SMPD2: variants seen among roughly 807,000 people sequenced by gnomAD.
The protein encoded by SMPD2 is N-SMase.
In SMPD2, 35 loss-of-function variants were observed where a neutral mutation model predicts 41.7. The ratio of observed to expected loss-of-function variants is 0.84; its 90% CI spans 0.64 to 1.11. The LOEUF is 1.11. Among genes scored for constraint, SMPD2 ranks in the 50% most tolerant of loss-of-function variants. SMPD2 has a pLI of 0.00. For synonymous variants in SMPD2, 201 were observed against 208.2 expected (o/e 0.97, Z 0.30); for missense variants, 520 against 524.8 (o/e 0.99, Z 0.09).
At position 109,443,287 on chromosome 6, in the gene SMPD2, C is replaced by T. The variant is rs368724627; in HGVS notation, c.750C>T (p.Ile250=). The change falls in exon 9 of 10, where the codon ATC becomes ATT. Residue 250 remains isoleucine (I), a synonymous_variant. Transcript: ENST00000258052. Reference sequence around the variant, plus strand: ...CCTAGGCAGTTTCTGGGTTTTACATCTCCTGTAAGAGTTTTGAAACCACTA... The same window carrying T: ...CCTAGGCAGTTTCTGGGTTTTACATTTCCTGTAAGAGTTTTGAAACCACTA... ...VLYKAVSGFY[I]SCKSFETTTG... 1 of 1,614,142 alleles carries T rather than the reference C, an allele frequency of 6.2e-7. No individual in the cohort carries two copies. The highest frequency in any genetic ancestry group is 8.5e-7 in the Non-Finnish European group (1 of 1,179,994).
rs774581135 is a variant in SMPD2, at chr6:109,442,314, C to T, written c.408+15C>T. 4 of 1,610,168 alleles carry T rather than the reference C, an allele frequency of 2.5e-6. No individual in the cohort carries two copies. The Admixed American group carries it at 6.7e-5, about 27-fold the overall frequency. ...ATGTGACCCATGTGAGTGAAGCTGG[C>T]AGTGCCTAGGGCTGGGACATGCAGC... On this transcript the variant is annotated intron_variant, in intron 5 of 9. Coordinates refer to ENST00000258052, the MANE Select transcript of SMPD2 (RefSeq NM_003080.3).
Position 109,443,012 on chromosome 6 carries a change from C to T in SMPD2, c.660C>T (p.Asn220=). Residue 220 remains asparagine, a synonymous_variant, in exon 8 of 10, where the codon AAC becomes AAT. Coordinates refer to ENST00000258052, the MANE Select transcript of SMPD2 (RefSeq NM_003080.3). ...SEEGNTMVPK[N]CYVSQQELKP... is the part of the protein sequence containing the mutation. ...AAGGCAACACAATGGTACCCAAGAA[C>T]TGCTACGTCAGCCAGCAGGAGCTGA... 1 of 1,614,232 alleles carries T rather than the reference C, an allele frequency of 6.2e-7. No individual in the cohort carries two copies. The highest frequency in any genetic ancestry group is 8.5e-7 in the Non-Finnish European group (1 of 1,180,038).
In SMPD2 at chr6:109,443,359, C is replaced by A. The variant is rs1407134769; in HGVS notation, c.822C>A (p.Ala274=). The change falls in exon 9 of 10, where the codon GCC becomes GCA. Residue 274 remains alanine (A), a synonymous_variant. Coordinates refer to ENST00000258052, the MANE Select transcript of SMPD2 (RefSeq NM_003080.3). The part of the protein sequence containing the change: ...HRGTPLSDHE[A]LMATLFVRHS... ...GCACCCCCCTCTCTGATCATGAAGC[C>A]CTGATGGCTACTCTGTTTGTGAGGC... 6.2e-7 allele frequency: 1 copy of A among 1,614,084 alleles called. No individual in the cohort carries two copies. Among genetic ancestry groups the A allele is most frequent in the Admixed American group, 1.7e-5 (1 of 60,030 alleles).
In SMPD2 at chr6:109,440,731, T is replaced by C; in HGVS notation, c.-391T>C. The C allele has an allele frequency of 1.9e-6, 1 of 514,258 alleles. No homozygotes were observed. Among genetic ancestry groups the C allele is most frequent in the Admixed American group, 5.3e-5 (1 of 18,938 alleles). The allele number at this position is 514,258 out of a possible 1,614,324, so 31.9% of individuals were successfully genotyped here. On this transcript the variant is annotated 5_prime_UTR_variant, in exon 1 of 10. Transcript: ENST00000258052. ...CGTGGCGGCTGGGCCTTTCCTCAACTTTGCGCCTGTTGCTGGGCCGCCGGC... is the reference window on the plus strand; with the variant it reads ...CGTGGCGGCTGGGCCTTTCCTCAACCTTGCGCCTGTTGCTGGGCCGCCGGC...
Position 109,441,084 on chromosome 6 carries a change from G to C in SMPD2, c.-38G>C. 1 of 1,612,372 alleles carries C rather than the reference G, an allele frequency of 6.2e-7. No individual in the cohort carries two copies. The highest frequency in any genetic ancestry group is 2.2e-5 in the East Asian group (1 of 44,826). ...CGTCCCCACCGCGGCCGTCGCTGGAGAGTTCGAGCCGCCTAGCGCCCCTGG... is the reference window on the plus strand; with the variant it reads ...CGTCCCCACCGCGGCCGTCGCTGGACAGTTCGAGCCGCCTAGCGCCCCTGG... On this transcript the variant is annotated 5_prime_UTR_variant, in exon 1 of 10. Transcript: ENST00000258052.
rs776183356 is a variant in SMPD2 at position 109,443,607 on chromosome 6, C to T, written c.974C>T (p.Thr325Ile). Residue 325 changes from threonine (T) to isoleucine (I), a missense_variant, in exon 10 of 10, where the codon ACC (threonine) becomes ATC (isoleucine). Coordinates refer to ENST00000258052, the MANE Select transcript of SMPD2 (RefSeq NM_003080.3). ...LGMAQARWWATFASYVIGLGL... is the reference protein window; with the variant it reads ...LGMAQARWWAIFASYVIGLGL... ...ATGGCTCAGGCTCGCTGGTGGGCCA[C>T]CTTCGCTAGCTATGTGATTGGCCTG... The T allele has an allele frequency of 7.4e-6, 12 of 1,613,916 alleles. No individual in the cohort carries two copies. The highest frequency in any genetic ancestry group is 1.0e-5 in the Non-Finnish European group (12 of 1,179,988).
rs753789671 is a variant in SMPD2, at chr6:109,443,673, G to A, written c.1040G>A (p.Gly347Glu). The change falls in exon 10 of 10, where the codon GGA becomes GAA. Residue 347 changes from glycine to glutamate, a missense_variant. Physicochemically the swap from Gly to Glu is moderately conservative, Grantham distance 98. Transcript: ENST00000258052. ...LLALLCVLAA[G>E]GGAGEAAILL... ...GCACTGCTGTGTGTCCTGGCGGCTG[G>A]AGGAGGGGCCGGGGAAGCTGCCATA... 6.3e-7 allele frequency: 1 copy of A among 1,589,526 alleles called. No homozygotes were observed. The highest frequency in any genetic ancestry group is 8.5e-7 in the Non-Finnish European group (1 of 1,178,930).
intron 6 of SMPD2, 39 bp downstream of exon 6, chr6:109,442,664 A>AACAAGG: frequency 6.2e-7 from 1 of 1,614,080 alleles, no homozygotes; most frequent in South Asian, 1.1e-5. Flanking sequence ...GTGGGATGGG[A>AACAAGG]CCCAGGGGCT....
At position 109,443,079 on chromosome 6, in the gene SMPD2, A is replaced by G; in HGVS notation, c.727A>G (p.Lys243Glu). The part of the protein sequence containing the change: ...FGVRIDYVLY[K>E]AVSGFYISCK... ...TGTCCGCATTGACTACGTGCTTTAC[A>G]AGGTCAGGCTCCTCCCTTCAACATG... is the stretch of plus-strand genomic sequence containing the variant. Residue 243 changes from lysine (K) to glutamate (E), a missense_variant and splice_region_variant, in exon 8 of 10, where the codon AAG becomes GAG. By Grantham distance (56) the Lys-to-Glu change is moderately conservative (BLOSUM62 1). Transcript: ENST00000258052. 6.2e-7 allele frequency: 1 copy of G among 1,612,584 alleles called. No individual in the cohort carries two copies. The highest frequency in any genetic ancestry group is 8.5e-7 in the Non-Finnish European group (1 of 1,178,636).
chr6:109,441,370 T>A lies in SMPD2; in HGVS notation c.64T>A (p.Leu22Met), dbSNP rs1297080005. The A allele has an allele frequency of 1.9e-6, 3 of 1,614,000 alleles. No individual in the cohort carries two copies. Among genetic ancestry groups the A allele is most frequent in the Non-Finnish European group, 2.5e-6 (3 of 1,179,892 alleles). The change falls in exon 2 of 10, where the codon TTG becomes ATG. Residue 22 changes from leucine to methionine, a missense_variant. By Grantham distance (15) the Leu-to-Met change is conservative. Transcript: ENST00000258052. ...FNLNCWGIPYLSKHRADRMRR... is the reference protein window; with the variant it reads ...FNLNCWGIPYMSKHRADRMRR... ...TCCCTTCCTTAGGGGCATTCCGTAC[T>A]TGAGCAAGCACCGGGCCGACCGCAT...
Position 109,442,300 on chromosome 6 carries a change from G to A in SMPD2, c.408+1G>A, listed in dbSNP as rs375566913. 5 of 1,613,726 alleles carry A rather than the reference G, an allele frequency of 3.1e-6. No homozygotes were observed. In the African/African-American group the frequency reaches 6.7e-5, roughly 22 times the overall value. On this transcript the variant is annotated splice_donor_variant, in intron 5 of 9. Transcript: ENST00000258052. LOFTEE classifies it high-confidence loss of function. The stretch of plus-strand genomic sequence containing the variant: ...GGTGCTCAACGCCTATGTGACCCAT[G>A]TGAGTGAAGCTGGCAGTGCCTAGGG...
At chr6:109,442,922 A>G (rs564290551) in intron 7 of SMPD2, 38 bp downstream of exon 7, 2 of 1,610,782 alleles carry the variant, frequency 1.2e-6, no homozygotes, top group East Asian at 2.2e-5. Flanking sequence ...CTATATCCCC[A>G]GCTTCTCTCC....
Position 109,443,784 on chromosome 6 carries a change from G to A in SMPD2, c.1151G>A (p.Arg384Lys). ...GTACAGGAGGTCAATGGCTTATATAGGGCCCAGGCTGAGCTCCAGCATGTG... is the reference window on the plus strand; with the variant it reads ...GTACAGGAGGTCAATGGCTTATATAAGGCCCAGGCTGAGCTCCAGCATGTG... ...FHVQEVNGLY[R>K]AQAELQHVLG... The change falls in exon 10 of 10, where the codon AGG (arginine) becomes AAG (lysine). Residue 384 changes from arginine to lysine, a missense_variant. By Grantham distance (26) the Arg-to-Lys change is conservative (BLOSUM62 2). Transcript: ENST00000258052. The A allele has an allele frequency of 3.1e-6, 5 of 1,614,172 alleles. No homozygotes were observed. The highest frequency in any genetic ancestry group is 2.5e-6 in the Non-Finnish European group (3 of 1,180,034).
rs968207372 is a variant in SMPD2, at chr6:109,443,252, C to A, written c.730-15C>A. The A allele has an allele frequency of 6.2e-7, 1 of 1,613,794 alleles. No individual in the cohort carries two copies. The highest frequency in any genetic ancestry group is 1.3e-5 in the African/African-American group (1 of 74,972). The stretch of plus-strand genomic sequence containing the variant: ...CCTCATATATAAGCTTCTCTCTGGC[C>A]CTTACTTTTCCTAGGCAGTTTCTGG... On this transcript the variant is annotated splice_polypyrimidine_tract_variant and intron_variant, in intron 8 of 9. Coordinates refer to ENST00000258052, the MANE Select transcript of SMPD2 (RefSeq NM_003080.3).
In SMPD2 at chr6:109,442,853, A is replaced by C; in HGVS notation, c.593A>C (p.His198Pro). 6.2e-7 allele frequency: 1 copy of C among 1,613,570 alleles called. No individual in the cohort carries two copies. The part of the protein sequence containing the change: ...CCLLKEWTGL[H>P]DAYLETRDFK... ...CTGCTGAAGGAGTGGACAGGGCTTC[A>C]TGATGCCTATCTTGAAACTCGGGAC... Residue 198 changes from histidine to proline, a missense_variant, in exon 7 of 10, where the codon CAT becomes CCT. Physicochemically the swap from His to Pro is moderately conservative, Grantham distance 77. Coordinates refer to ENST00000258052, the MANE Select transcript of SMPD2 (RefSeq NM_003080.3).
chr6:109,441,607 C>T lies in SMPD2; in HGVS notation c.203C>T (p.Pro68Leu), dbSNP rs758894027. 2.0e-5 allele frequency: 33 copies of T among 1,614,074 alleles called. No homozygotes were observed. The South Asian group carries it at 3.6e-4, about 18-fold the overall frequency. ...YLRQKLSPTYPAAHHFRSGII... is the reference protein window; with the variant it reads ...YLRQKLSPTYLAAHHFRSGII... The stretch of plus-strand genomic sequence containing the variant: ...AGACAGAAGCTGTCACCTACCTACC[C>T]AGCTGCACACCACTTCCGGAGGTGA... The change falls in exon 3 of 10, where the codon CCA becomes CTA. Residue 68 changes from proline to leucine, a missense_variant. Coordinates refer to ENST00000258052, the MANE Select transcript of SMPD2 (RefSeq NM_003080.3).
rs1774918544 is a variant in SMPD2, at chr6:109,441,992, C to A, written c.243C>A (p.Gly81=). 1.2e-6 allele frequency: 2 copies of A among 1,614,034 alleles called. No homozygotes were observed. The highest frequency in any genetic ancestry group is 1.7e-6 in the Non-Finnish European group (2 of 1,179,990). The change falls in exon 4 of 10, where the codon GGC becomes GGA. Residue 81 remains glycine (G), a synonymous_variant. Coordinates refer to ENST00000258052, the MANE Select transcript of SMPD2 (RefSeq NM_003080.3). ...CTTTCAGCGGAATCATTGGCAGTGG[C>A]CTCTGTGTCTTCTCCAAACATCCAA... is the stretch of plus-strand genomic sequence containing the variant. ...HHFRSGIIGS[G]LCVFSKHPIQ... is the part of the protein sequence containing the mutation.
At chr6:109,441,671 G>A in intron 3 of SMPD2, 43 bp downstream of exon 3, 1 of 1,585,118 alleles carries the variant, frequency 6.3e-7, no homozygotes. Context: ...ATCCCAGGAG[G>A]CTCTTGGCCC....
chr6:109,443,859 C>T lies in SMPD2; in HGVS notation c.1226C>T (p.Ala409Val). 2 of 1,613,162 alleles carry T rather than the reference C, an allele frequency of 1.2e-6. No individual in the cohort carries two copies. The highest frequency in any genetic ancestry group is 1.7e-6 in the Non-Finnish European group (2 of 1,179,772). The change falls in exon 10 of 10, where the codon GCC becomes GTC. Residue 409 changes from alanine to valine, a missense_variant. Coordinates refer to ENST00000258052, the MANE Select transcript of SMPD2 (RefSeq NM_003080.3). The part of the protein sequence containing the change: ...AQDLGPEPQP[A>V]LLLGQQEGDR... Reference sequence around the variant, plus strand: ...GATCTGGGCCCAGAGCCTCAGCCAGCCCTACTCCTGGGGCAGCAGGAGGGG... The same window carrying T: ...GATCTGGGCCCAGAGCCTCAGCCAGTCCTACTCCTGGGGCAGCAGGAGGGG...
Sources: gnomAD v4.1 joint callset for allele counts on GRCh38, gnomAD v4.1.1 for gene constraint, MANE v1.5 for transcripts, NCBI Gene and HGNC (gene_info 2026-07-23, HGNC 2026-07-21) for gene names.